NLGN4Y: variants seen among roughly 807,000 people sequenced by gnomAD.
The protein encoded by NLGN4Y is neuroligin-4, Y-linked.
NLGN4Y carries 4 observed loss-of-function variants against 8.4 expected under a neutral mutation model. The ratio of observed to expected loss-of-function variants is 0.48; its 90% CI spans 0.23 to 1.09. The LOEUF (loss-of-function observed/expected upper bound fraction) is 1.09. Among genes scored for constraint, NLGN4Y ranks in the 50% least tolerant of loss-of-function variants. NLGN4Y has a pLI of 0.19. For missense variants in NLGN4Y, 90 were observed against 192.3 expected (o/e 0.47, Z 3.15); for synonymous variants, 35 against 75.6 (o/e 0.46, Z 2.78).
intron 1 of NLGN4Y, among the ~76,000 whole-genome samples, chrY:14,537,858 G>C: frequency 3.0e-5 from 1 of 33,002 alleles, no homozygotes; most frequent in Non-Finnish European, 7.4e-5. Flanking sequence ...CTTGCACCTG[G>C]GAGGTAGAGG....
chrY:14,693,994 G>C, intron 2 of NLGN4Y, among the ~76,000 whole-genome samples: 1 of 32,423 alleles, frequency 3.1e-5, no homozygotes, highest in African/African-American at 1.2e-4. Context: ...GGTAGCCATT[G>C]CTTCTTAACT....
intron 1 of NLGN4Y, among the ~76,000 whole-genome samples, chrY:14,603,621 C>T: frequency 3.0e-5 from 1 of 33,231 alleles, no homozygotes; most frequent in Non-Finnish European, 7.4e-5. Context: ...ACAAGATAGT[C>T]ATGGCAGTAC....
At chrY:14,546,519 A>T in intron 1 of NLGN4Y, among the ~76,000 whole-genome samples, 1 of 29,318 alleles carries the variant, frequency 3.4e-5, no homozygotes, top group African/African-American at 1.4e-4. Context: ...ATTCCTAGGT[A>T]TTTTATTCTC....
chrY:14,781,787 A>T, intron 4 of NLGN4Y, among the ~76,000 whole-genome samples: 1 of 33,933 alleles, frequency 2.9e-5, no homozygotes, highest in Middle Eastern at 0.014. Context: ...ATTTAAAAAA[A>T]TTTTAAATAA....
intron 1 of NLGN4Y, among the ~76,000 whole-genome samples, chrY:14,601,507 T>TA (rs2080427096): frequency 3.0e-5 from 1 of 33,284 alleles, no homozygotes; most frequent in African/African-American, 1.2e-4. Context: ...TTGCTACACT[T>TA]ACGTTATGCT....
chrY:14,799,854 T>C (rs2043024688), intron 4 of NLGN4Y, among the ~76,000 whole-genome samples: 2 of 33,861 alleles, frequency 5.9e-5, no homozygotes, highest in Admixed American at 2.7e-4. Flanking sequence ...TCTATCATCA[T>C]ATATGATAGC....
At chrY:14,812,998 C>A in intron 4 of NLGN4Y, among the ~76,000 whole-genome samples, 1 of 29,083 alleles carries the variant, frequency 3.4e-5, no homozygotes, top group Non-Finnish European at 8.2e-5. Flanking sequence ...TTCCCTCCCA[C>A]CTTCCCTCTC....
chrY:14,660,549 C>T (rs2080670484), intron 2 of NLGN4Y, among the ~76,000 whole-genome samples: 2 of 29,092 alleles, frequency 6.9e-5, no homozygotes, highest in Admixed American at 6.6e-4. Context: ...AACACCATGT[C>T]GGTCCATTTT....
In NLGN4Y at chrY:14,844,672, A is replaced by G; in HGVS notation, c.*3410A>G. 1 of 34,022 alleles carries G rather than the reference A, an allele frequency of 2.9e-5. No homozygotes were observed. Among genetic ancestry groups the G allele is most frequent in the Non-Finnish European group, 7.3e-5 (1 of 13,679 alleles). 8.5% of individuals were successfully genotyped at this position (34,022 alleles called of 400,897 possible). A position where few individuals can be genotyped will look rare whatever the true frequency, so the allele number is the denominator to read the frequency against. ...TGCTAAGTAGCAAGTAAAGAAATAT[A>G]GCAAGGACCCAGACTCTTTGGAATA... On this transcript the variant is annotated 3_prime_UTR_variant, in exon 7 of 7. Coordinates refer to ENST00000684976, the MANE Select transcript of NLGN4Y (RefSeq NM_001365588.1).
chrY:14,558,722 G>A, intron 1 of NLGN4Y, among the ~76,000 whole-genome samples: 1 of 33,328 alleles, frequency 3.0e-5, no homozygotes, highest in African/African-American at 1.2e-4. Flanking sequence ...TTATGATGGT[G>A]TGAAGGCAAT....
chrY:14,703,677 G>GT (rs2080864702), intron 2 of NLGN4Y, among the ~76,000 whole-genome samples: 12 of 32,867 alleles, frequency 3.7e-4, no homozygotes, highest in Non-Finnish European at 6.0e-4. Context: ...CTTTAAAGTA[G>GT]TTTTTTTTCC....
At chrY:14,731,893 C>A (rs986523410) in intron 4 of NLGN4Y, among the ~76,000 whole-genome samples, 3 of 31,844 alleles carry the variant, frequency 9.4e-5, no homozygotes, top group Middle Eastern at 0.013. Context: ...CTTTCCCCCC[C>A]AAAAAAAATG....
chrY:14,680,001 A>G, intron 2 of NLGN4Y, among the ~76,000 whole-genome samples: 1 of 33,706 alleles, frequency 3.0e-5, no homozygotes, highest in Non-Finnish European at 7.4e-5. Context: ...ACTCACTTTG[A>G]ACTTAAGGAG....
chrY:14,789,248 T>C, intron 4 of NLGN4Y, among the ~76,000 whole-genome samples: 2 of 32,874 alleles, frequency 6.1e-5, no homozygotes, highest in Admixed American at 2.8e-4. Context: ...GAAATTATAG[T>C]CATGAGCCAC....
intron 1 of NLGN4Y, among the ~76,000 whole-genome samples, chrY:14,540,183 C>G: frequency 3.2e-5 from 1 of 31,103 alleles, no homozygotes; most frequent in Non-Finnish European, 7.8e-5. Flanking sequence ...CAGTTTTACC[C>G]CCACAGTTGT....
At chrY:14,598,257 G>C (rs914053041) in intron 1 of NLGN4Y, among the ~76,000 whole-genome samples, 12 of 34,594 alleles carry the variant, frequency 3.5e-4, no homozygotes, top group African/African-American at 8.9e-4. Flanking sequence ...GTTGGTGCTC[G>C]TCGGGGAGGC....
At chrY:14,649,142 T>A in intron 2 of NLGN4Y, among the ~76,000 whole-genome samples, 1 of 33,307 alleles carries the variant, frequency 3.0e-5, no homozygotes, top group Non-Finnish European at 7.4e-5. Flanking sequence ...ATACATGATA[T>A]TGCTTTGATT....
At chrY:14,744,233 G>C in intron 4 of NLGN4Y, among the ~76,000 whole-genome samples, 1 of 33,402 alleles carries the variant, frequency 3.0e-5, no homozygotes, top group Non-Finnish European at 7.4e-5. Flanking sequence ...GATAAGCTAG[G>C]ATACAAAATG....
At chrY:14,730,894 C>A in intron 4 of NLGN4Y, among the ~76,000 whole-genome samples, 6 of 32,094 alleles carry the variant, frequency 1.9e-4, no homozygotes, top group Non-Finnish European at 4.5e-4. Context: ...GTGAATAGTG[C>A]AGTGATAAAC....
Sources: gnomAD v4.1 joint callset for allele counts (sites outside exome capture counted in the v4.1 genomes callset) on GRCh38, gnomAD v4.1.1 for gene constraint, MANE v1.5 for transcripts, NCBI Gene and HGNC (gene_info 2026-07-23, HGNC 2026-07-21) for gene names.